Variants in MTRR observed in about 807,000 individuals in gnomAD.
MTRR encodes the protein methionine synthase reductase.
In MTRR, 63 loss-of-function variants were observed where a neutral mutation model predicts 79.2. That is an observed-to-expected ratio of 0.80 (90% CI 0.65 to 0.98). MTRR has a LOEUF of 0.98. Among genes scored for constraint, MTRR ranks in the 50% least tolerant of loss-of-function variants. The pLI is 0.00. For missense variants in MTRR, 895 were observed against 839.6 expected (o/e 1.07, Z -0.82); for synonymous variants, 355 against 313.3 (o/e 1.13, Z -1.41).
upstream of MTRR, chr5:7,851,018 C>T (rs1252590075): frequency 8.0e-7 from 1 of 1,256,592 alleles, no homozygotes; most frequent in Non-Finnish European, 1.0e-6. Flanking sequence ...TCGTCGTCCT[C>T]CATGCCGCCA....
At chr5:7,868,176 T>C, upstream of MTRR, 1 of 618,760 alleles carries the variant, frequency 1.6e-6, no homozygotes. Flanking sequence ...CATCAATGTT[T>C]ATGAAACTAC....
chr5:7,850,923 C>T (rs762197335), upstream of MTRR: 4 of 1,360,302 alleles, frequency 2.9e-6, no homozygotes, highest in Admixed American at 5.8e-5. Flanking sequence ...CCAGGCGCCG[C>T]GGCGGGATGT....
upstream of MTRR, chr5:7,866,848 C>T (rs1196610776): frequency 6.2e-7 from 1 of 1,613,874 alleles, no homozygotes; most frequent in East Asian, 2.2e-5. Flanking sequence ...CAAATGGTTC[C>T]ATTAAGGCAG....
chr5:7,872,619 C>A (rs936435352), intron 2 of MTRR, among the ~76,000 whole-genome samples: 1 of 152,102 alleles, frequency 6.6e-6, no homozygotes, highest in Admixed American at 6.6e-5. Flanking sequence ...TTTAAAATGC[C>A]CTGTTATCCC....
rs921240350 is a variant in MTRR at position 7,862,923 on chromosome 5, A to C, written n.498+866A>C. 53 of 1,613,970 alleles carry C rather than the reference A, an allele frequency of 3.3e-5. No individual in the cohort carries two copies. Among genetic ancestry groups the C allele is most frequent in the Admixed American group, 2.3e-4 (14 of 60,012 alleles). On this transcript the variant is annotated intron_variant and non_coding_transcript_variant, in intron 2 of 3. Coordinates refer to the MTRR transcript ENST00000502509. ...TCTTCACATATCTATAAAGCTGAGA[A>C]TCCACAGGGGTCTCCAGGGAACAGC...
intron 12 of MTRR, chr5:7,896,326 A>T (rs2126810198): frequency 1.1e-5 from 2 of 181,934 alleles, no homozygotes; most frequent in Middle Eastern, 5.8e-3. Flanking sequence ...ATAAAATTGT[A>T]CTTCTGTTTA....
rs550803480 is a variant in MTRR, at chr5:7,886,184, ATGTT to A, written c.1057+336_1057+339del. On this transcript the variant is annotated intron_variant, in intron 7 of 14. Coordinates refer to ENST00000440940, the MANE Select transcript of MTRR (RefSeq NM_002454.3). ...TCCTATTATGTTTACTTCTCATAGT[ATGTT>A]TGTTTTTGCTCATTTATTATATAAA... is the stretch of plus-strand genomic sequence containing the variant. Among the ~76,000 whole-genome samples, 1,432 of 152,224 alleles carry A rather than the reference ATGTT, an allele frequency of 9.4e-3. 4 individuals carry two copies. The highest frequency in any genetic ancestry group is 0.016 in the Non-Finnish European group (1,065 of 68,014).
At chr5:7,891,289 ATTT>A (rs71591748) in intron 9 of MTRR, 80 bp from the exon 10 acceptor site, 10,851 of 360,956 alleles carry the variant, frequency 0.03, 1 homozygote, top group Middle Eastern at 0.052. Context: ...AAGACATGGA[ATTT>A]TTTTTTTTTT....
At chr5:7,856,781 T>A (rs894282196) in intron 1 of MTRR, 49 of 151,898 alleles carry the variant, frequency 3.2e-4, no homozygotes, top group African/African-American at 1.1e-3. Flanking sequence ...TTTATTTTTT[T>A]TTTAGGAGGA....
At chr5:7,886,977 CTTACTT>C (rs1027703101) in intron 8 of MTRR, among the ~76,000 whole-genome samples, 36 of 152,130 alleles carry the variant, frequency 2.4e-4, no homozygotes, top group African/African-American at 8.2e-4. Flanking sequence ...TTTTCTTTGT[CTTACTT>C]TTACTAGTTA....
At chr5:7,856,475 G>C (rs1023987343) in intron 1 of MTRR, among the ~76,000 whole-genome samples, 1 of 152,144 alleles carries the variant, frequency 6.6e-6, no homozygotes, top group African/African-American at 2.4e-5. Flanking sequence ...CGAGCTGTAC[G>C]ATAAAGTTTA....
chr5:7,854,604 G>T (rs777226965), intron 1 of MTRR, among the ~76,000 whole-genome samples: 1 of 152,106 alleles, frequency 6.6e-6, no homozygotes, highest in Admixed American at 6.6e-5. Context: ...GGAAACCCCT[G>T]ATAAAACTAT....
intron 1 of MTRR, among the ~76,000 whole-genome samples, chr5:7,854,282 C>T (rs765858697): frequency 1.4e-3 from 213 of 151,808 alleles, no homozygotes; most frequent in Non-Finnish European, 2.7e-3. Context: ...CTGGGTTAAA[C>T]ATAGTGTATT....
upstream of MTRR, chr5:7,865,863 G>A (rs1485164039): frequency 6.7e-7 from 1 of 1,495,266 alleles, no homozygotes; most frequent in East Asian, 2.3e-5. Flanking sequence ...CTGCACCCAT[G>A]GGGAAATAAA....
Position 7,854,164 on chromosome 5 carries a change from C to A in MTRR, n.391+2579C>A, listed in dbSNP as rs140845882. On this transcript the variant is annotated intron_variant and non_coding_transcript_variant, in intron 1 of 3. Transcript: ENST00000502509. ...AGTCATACATTTAGGCTCCTCATGT[C>A]TGTACTCGTACTCAAAAGTTCTGTG... 7.4e-3 allele frequency among the ~76,000 whole-genome samples: 1,129 copies of A among 152,164 alleles called. 9 individuals are homozygous for A. The highest frequency in any genetic ancestry group is 0.026 in the African/African-American group (1,068 of 41,506).
At chr5:7,899,439 A>G (rs1166025753) in intron 14 of MTRR, among the ~76,000 whole-genome samples, 1 of 152,230 alleles carries the variant, frequency 6.6e-6, no homozygotes, top group Non-Finnish European at 1.5e-5. Context: ...GAAGCACTTC[A>G]AAAGGACCTG....
chr5:7,862,040 A>G (rs2126594697), exon 2 of MTRR: 1 of 156,944 alleles, frequency 6.4e-6, no homozygotes, highest in South Asian at 2.0e-4. Flanking sequence ...CATCATTCCA[A>G]CTTGCAGTGC....
chr5:7,861,814 T>G, intron 1 of MTRR: 1 of 1,341,216 alleles, frequency 7.5e-7, no homozygotes, highest in Non-Finnish European at 9.6e-7. Flanking sequence ...GTGAGAATTT[T>G]AATTCAATTG....
chr5:7,870,607 T>C (rs1361750083), intron 1 of MTRR, among the ~76,000 whole-genome samples, 163 bp from the exon 2 acceptor site: 1 of 152,250 alleles, frequency 6.6e-6, no homozygotes, highest in Non-Finnish European at 1.5e-5. Context: ...TGAATTCTTA[T>C]TTAGGCTCAT....
Sources: gnomAD v4.1 joint callset for allele counts (sites outside exome capture counted in the v4.1 genomes callset) on GRCh38, gnomAD v4.1.1 for gene constraint, MANE v1.5 for transcripts, NCBI Gene and HGNC (gene_info 2026-07-23, HGNC 2026-07-21) for gene names.